GIGYF2: variants seen among roughly 807,000 people sequenced by gnomAD.
GIGYF2 encodes the protein GRB10 interacting GYF protein 2.
GIGYF2 carries 25 observed loss-of-function variants against 208.1 expected under a neutral mutation model. That is an observed-to-expected ratio of 0.12 (90% CI 0.09 to 0.17). GIGYF2 has a LOEUF of 0.17. GIGYF2 is among the 10% of genes least tolerant of loss of function. GIGYF2 has a pLI of 1.00. For synonymous variants in GIGYF2, 534 were observed against 543.8 expected, an observed-to-expected ratio of 0.98 and a Z score of 0.25; for missense variants, 1,302 against 1,579.4, an observed-to-expected ratio of 0.82 and a Z score of 2.98.
At chr2:232,825,739 G>A (rs181909268) in intron 21 of GIGYF2, among the ~76,000 whole-genome samples, 19 of 152,008 alleles carry the variant, frequency 1.2e-4, no homozygotes, top group Admixed American at 5.2e-4. Context: ...AAGTTCTAGG[G>A]TACATGTGCA....
At chr2:232,767,927 T>A in intron 8 of GIGYF2, 1 of 454,036 alleles carries the variant, frequency 2.2e-6, no homozygotes, top group Non-Finnish European at 4.0e-6. Flanking sequence ...CACATTCTTA[T>A]AAATTCACCA....
At chr2:232,776,627 A>G in intron 8 of GIGYF2, 1 of 626,362 alleles carries the variant, frequency 1.6e-6, no homozygotes, top group Non-Finnish European at 2.9e-6. Context: ...GCTGAGGTTG[A>G]TGTGATTGGT....
chr2:232,705,147 C>T (rs895429275), intron 2 of GIGYF2, among the ~76,000 whole-genome samples: 2 of 152,164 alleles, frequency 1.3e-5, no homozygotes, highest in East Asian at 3.9e-4. Flanking sequence ...GCGTGAGCCA[C>T]CGCGCCCGGC....
At chr2:232,814,386 C>A (rs1259339097) in intron 18 of GIGYF2, among the ~76,000 whole-genome samples, 1 of 151,670 alleles carries the variant, frequency 6.6e-6, no homozygotes, top group Non-Finnish European at 1.5e-5. Context: ...GATGGTGAAA[C>A]CCCATCTCTA....
intron 20 of GIGYF2, among the ~76,000 whole-genome samples, chr2:232,819,274 C>T (rs13001052): frequency 0.28 from 42,286 of 151,984 alleles, 6,595 homozygotes; most frequent in Non-Finnish European, 0.35. Flanking sequence ...TTCTGTGTTG[C>T]GCAGTTTTCT....
chr2:232,707,072 A>G (rs1240515599), intron 2 of GIGYF2, among the ~76,000 whole-genome samples: 1 of 152,092 alleles, frequency 6.6e-6, no homozygotes, highest in Non-Finnish European at 1.5e-5. Context: ...TTTTCCTAAA[A>G]TATTTTGGTT....
intron 21 of GIGYF2, 33 bp downstream of exon 21, chr2:232,820,018 T>C: frequency 6.2e-7 from 1 of 1,611,694 alleles, no homozygotes; most frequent in Non-Finnish European, 8.5e-7. Context: ...TAATTGTTCC[T>C]TTGAAGCTGG....
In GIGYF2 at chr2:232,768,567, A is replaced by T. The variant is rs1346994563; in HGVS notation, c.532+7131A>T. ...ATAGTACGTTAGTGGAAAGATGAAG[A>T]ATGGACATTCGTCAGAACTGATGCC... On this transcript the variant is annotated intron_variant, in intron 8 of 28. Coordinates refer to ENST00000373563, the MANE Select transcript of GIGYF2 (RefSeq NM_001103146.3). 7 of 1,614,192 alleles carry T rather than the reference A, an allele frequency of 4.3e-6. No homozygotes were observed. The highest frequency in any genetic ancestry group is 1.6e-4 in the Middle Eastern group (1 of 6,062).
chr2:232,758,218 A>T (rs1305430004), intron 6 of GIGYF2, among the ~76,000 whole-genome samples: 2 of 152,228 alleles, frequency 1.3e-5, no homozygotes, highest in Non-Finnish European at 2.9e-5. Context: ...CAGAGCTAAC[A>T]CTAGATGATT....
At chr2:232,813,187 C>CTTTTTT (rs894736273) in intron 18 of GIGYF2, among the ~76,000 whole-genome samples, 5 of 123,876 alleles carry the variant, frequency 4.0e-5, no homozygotes, top group Non-Finnish European at 6.9e-5. Context: ...TCTTTGCTTT[C>CTTTTTT]TTTTTTTTTT....
At chr2:232,807,620 G>A (rs1417541172) in intron 15 of GIGYF2, among the ~76,000 whole-genome samples, 1 of 152,178 alleles carries the variant, frequency 6.6e-6, no homozygotes, top group Non-Finnish European at 1.5e-5. Context: ...TTCCTCTTGG[G>A]CTGCTCTTGG....
intron 8 of GIGYF2, among the ~76,000 whole-genome samples, chr2:232,770,396 A>G (rs1219082299): frequency 6.6e-6 from 1 of 152,210 alleles, no homozygotes; most frequent in Non-Finnish European, 1.5e-5. Flanking sequence ...GTTCTCTAAC[A>G]TATAATGCTG....
intron 8 of GIGYF2, among the ~76,000 whole-genome samples, chr2:232,772,154 T>A (rs952905155): frequency 1.1e-4 from 16 of 152,188 alleles, no homozygotes; most frequent in Non-Finnish European, 4.4e-5. Flanking sequence ...TCTCAAGCCA[T>A]CTTCCCACTT....
chr2:232,704,563 C>G (rs1239566356), intron 2 of GIGYF2, among the ~76,000 whole-genome samples: 2 of 152,030 alleles, frequency 1.3e-5, no homozygotes, highest in Non-Finnish European at 2.9e-5. Context: ...CGCCACCACA[C>G]CCAGCTAATT....
At chr2:232,717,094 G>A (rs190596970) in intron 2 of GIGYF2, among the ~76,000 whole-genome samples, 2 of 152,116 alleles carry the variant, frequency 1.3e-5, no homozygotes, top group African/African-American at 2.4e-5. Flanking sequence ...GATTACAGGC[G>A]TGAGCCACCA....
Position 232,819,865 on chromosome 2 carries a change from A to G in GIGYF2, c.2409A>G (p.Ala803=). The G allele has an allele frequency of 1.9e-6, 3 of 1,591,944 alleles. No homozygotes were observed. Among genetic ancestry groups the G allele is most frequent in the South Asian group, 2.2e-5 (2 of 90,590 alleles). The change falls in exon 21 of 29, where the codon GCA becomes GCG. Residue 803 remains alanine, a synonymous_variant. Coordinates refer to ENST00000373563, the MANE Select transcript of GIGYF2 (RefSeq NM_001103146.3). Reference sequence around the variant, plus strand: ...GTCGCCAGCGGGAGCAAGAAATTGCATTAAGGCGACAGCGAGAAGAGGAAG... The same window carrying G: ...GTCGCCAGCGGGAGCAAGAAATTGCGTTAAGGCGACAGCGAGAAGAGGAAG... ...ALRRQREQEI[A]LRRQREEEER...
At chr2:232,832,388 G>A (rs2106408446) in intron 21 of GIGYF2, among the ~76,000 whole-genome samples, 1 of 152,376 alleles carries the variant, frequency 6.6e-6, no homozygotes, top group Non-Finnish European at 1.5e-5. Context: ...TGAAGGGCCT[G>A]TGGGCCACAA....
chr2:232,727,646 A>C (rs573984723), intron 2 of GIGYF2, among the ~76,000 whole-genome samples: 10 of 152,196 alleles, frequency 6.6e-5, no homozygotes, highest in Non-Finnish European at 1.2e-4. Context: ...TTTGGGCTAG[A>C]GATCTCTACC....
rs1701285959 is a variant in GIGYF2, at chr2:232,827,461, G to A, written c.2530-5396G>A. On this transcript the variant is annotated intron_variant, in intron 21 of 28. Transcript: ENST00000373563. ...ATAAAGTTCAGTTTCTTTGAATTAT[G>A]TGGCTAATCGGGTTGTTTTATCAGT... Among the ~76,000 whole-genome samples, 3 of 152,146 alleles carry A rather than the reference G, an allele frequency of 2.0e-5. No individual in the cohort carries two copies. The South Asian group carries it at 6.2e-4, about 31-fold the overall frequency.
Sources: allele counts gnomAD v4.1 joint callset (sites outside exome capture counted in the v4.1 genomes callset), GRCh38; gene constraint gnomAD v4.1.1; transcripts MANE v1.5; gene names NCBI Gene and HGNC (gene_info 2026-07-23, HGNC 2026-07-21).